The following ZNF521 variants were observed in gnomAD, a reference collection of about 807,000 sequenced individuals.
ZNF521 encodes LYST-interacting protein 3.
In ZNF521, 14 loss-of-function variants were observed where a neutral mutation model predicts 105.5. The ratio of observed to expected loss-of-function variants is 0.13; its 90% confidence interval spans 0.09 to 0.21. The LOEUF (loss-of-function observed/expected upper bound fraction) is 0.21, where lower values mean the gene tolerates loss of function less well. Ranked by LOEUF, ZNF521 falls within the 10% of genes least tolerant of loss-of-function variation. The probability of loss-of-function intolerance (pLI) is 1.00; values close to 1 mark genes in which losing one functional copy is unlikely to be tolerated. For missense variants in ZNF521, 1,233 were observed against 1,629.7 expected, an observed-to-expected ratio of 0.76 and a Z score of 4.19; for synonymous variants, 635 against 606.0, an observed-to-expected ratio of 1.05 and a Z score of -0.70.
At chr18:25,114,726 G>A (rs1471604457) in intron 5 of ZNF521, among the ~76,000 whole-genome samples, 5 of 152,150 alleles carry the variant, frequency 3.3e-5, no homozygotes, top group African/African-American at 1.2e-4. Context: ...ATCCGCATAG[G>A]AGAATGCCAT....
At chr18:25,301,951 A>T (rs1340069805) in intron 3 of ZNF521, 1 of 152,192 alleles carries the variant, frequency 6.6e-6, no homozygotes, top group Non-Finnish European at 1.5e-5. Context: ...TTGATGAAAC[A>T]ATTGTAGCAA....
intron 5 of ZNF521, among the ~76,000 whole-genome samples, chr18:25,176,059 T>A (rs1261927080): frequency 6.6e-6 from 1 of 152,182 alleles, no homozygotes; most frequent in Non-Finnish European, 1.5e-5. Context: ...TGACTTTATT[T>A]GTAAGGAGCA....
rs150507708 is a variant in ZNF521, at chr18:25,321,978, G to A, written c.220+30C>T. 39 of 1,601,544 alleles carry A rather than the reference G, an allele frequency of 2.4e-5. No individual in the cohort carries two copies. The East Asian group carries it at 8.7e-4, about 36-fold the overall frequency. On this transcript the variant is annotated intron_variant, in intron 3 of 7. Transcript: ENST00000361524. ...AAAAATCAGAAATAGAACAGTACAA[G>A]AAGACAAAAAAGTGATAAGTATTGT... is the stretch of plus-strand genomic sequence containing the variant.
intron 4 of ZNF521, among the ~76,000 whole-genome samples, chr18:25,199,152 A>C (rs903893737): frequency 6.6e-6 from 1 of 151,970 alleles, no homozygotes; most frequent in African/African-American, 2.4e-5. Flanking sequence ...AAATATTACT[A>C]TGAGAAAAAA....
At chr18:25,085,978 T>C (rs1007851395) in intron 7 of ZNF521, among the ~76,000 whole-genome samples, 5 of 152,110 alleles carry the variant, frequency 3.3e-5, no homozygotes, top group Non-Finnish European at 7.4e-5. Flanking sequence ...ATAAATTGTA[T>C]ACTTTAAAAT....
intron 3 of ZNF521, among the ~76,000 whole-genome samples, chr18:25,280,882 T>C (rs11663772): frequency 0.062 from 9,458 of 152,224 alleles, 430 homozygotes; most frequent in Non-Finnish European, 0.086. Context: ...AACCATAGAT[T>C]CGATCACCTA....
intron 5 of ZNF521, among the ~76,000 whole-genome samples, chr18:25,173,977 C>A (rs988372346): frequency 6.6e-6 from 1 of 151,932 alleles, no homozygotes; most frequent in East Asian, 1.9e-4. Context: ...GTATGTTTTC[C>A]GAAAGACTGA....
At chr18:25,303,271 CGT>C (rs756904913) in intron 3 of ZNF521, among the ~76,000 whole-genome samples, 2,437 of 132,582 alleles carry the variant, frequency 0.018, 35 homozygotes, top group Non-Finnish European at 0.025. Context: ...TTCTTTCTTT[CGT>C]GTGTGTGTGT....
intron 5 of ZNF521, among the ~76,000 whole-genome samples, chr18:25,136,449 T>C (rs2034735742): frequency 6.6e-6 from 1 of 152,232 alleles, no homozygotes; most frequent in South Asian, 2.1e-4. Flanking sequence ...TGTTAGGTGC[T>C]GCTCTGAGCT....
At chr18:25,167,333 T>G (rs939372607) in intron 5 of ZNF521, among the ~76,000 whole-genome samples, 1 of 152,236 alleles carries the variant, frequency 6.6e-6, no homozygotes, top group Admixed American at 6.5e-5. Context: ...ATGTAAGTGC[T>G]TCTACAGTAA....
At chr18:25,100,599 C>T (rs2033946727) in intron 5 of ZNF521, among the ~76,000 whole-genome samples, 1 of 151,808 alleles carries the variant, frequency 6.6e-6, no homozygotes, top group Non-Finnish European at 1.5e-5. Context: ...ATGCAAAAAT[C>T]ACAATACTGC....
At chr18:25,159,875 G>A (rs1021016381) in intron 5 of ZNF521, among the ~76,000 whole-genome samples, 1 of 152,180 alleles carries the variant, frequency 6.6e-6, no homozygotes, top group African/African-American at 2.4e-5. Context: ...ATGGTTATGC[G>A]GGTGGAGTAA....
intron 5 of ZNF521, among the ~76,000 whole-genome samples, chr18:25,110,208 G>A (rs138400326): frequency 3.1e-3 from 467 of 152,304 alleles, no homozygotes; most frequent in African/African-American, 0.011. Flanking sequence ...CAAAGCAGTG[G>A]TGGGTCTTGC....
rs142708986 is a variant in ZNF521 at position 25,342,318 on chromosome 18, A to G, written c.40+8589T>C. Among the ~76,000 whole-genome samples the G allele has an allele frequency of 3.4e-3, 515 of 152,280 alleles. 4 individuals carry two copies. Among genetic ancestry groups the G allele is most frequent in the African/African-American group, 0.012 (493 of 41,550 alleles). ...GGAACTTCAGACTCCATACATCAGCATTCAAGCAATGATTCTGTTTTGGCT... is the reference window on the plus strand; with the variant it reads ...GGAACTTCAGACTCCATACATCAGCGTTCAAGCAATGATTCTGTTTTGGCT... On this transcript the variant is annotated intron_variant, in intron 2 of 7. Coordinates refer to ENST00000361524, the MANE Select transcript of ZNF521 (RefSeq NM_015461.3).
chr18:25,163,989 G>A (rs1007942948), intron 5 of ZNF521, among the ~76,000 whole-genome samples: 2 of 152,166 alleles, frequency 1.3e-5, no homozygotes, highest in Non-Finnish European at 2.9e-5. Flanking sequence ...GAAATGTAAT[G>A]CCTGAGCAGC....
chr18:25,120,089 C>A (rs926136041), intron 5 of ZNF521, among the ~76,000 whole-genome samples: 1 of 152,046 alleles, frequency 6.6e-6, no homozygotes, highest in African/African-American at 2.4e-5. Flanking sequence ...ATCTGAACAG[C>A]CTTTTTTGTC....
At chr18:25,160,939 A>T (rs1415182443) in intron 5 of ZNF521, among the ~76,000 whole-genome samples, 1 of 152,172 alleles carries the variant, frequency 6.6e-6, no homozygotes, top group Non-Finnish European at 1.5e-5. Flanking sequence ...GAGCAGAAGT[A>T]CCAGGCCTCC....
At chr18:25,237,936 GATTTA>G (rs1167531028) in intron 3 of ZNF521, among the ~76,000 whole-genome samples, 4 of 152,154 alleles carry the variant, frequency 2.6e-5, no homozygotes, top group Admixed American at 2.6e-4. Flanking sequence ...TGAAACATAA[GATTTA>G]AGACCTGTGA....
At chr18:25,087,700 A>G (rs1599996276) in intron 7 of ZNF521, among the ~76,000 whole-genome samples, 1 of 152,304 alleles carries the variant, frequency 6.6e-6, no homozygotes. Flanking sequence ...AATTTAGATT[A>G]TTTTAATAAG....
Sources: gnomAD v4.1 joint callset for allele counts (sites outside exome capture counted in the v4.1 genomes callset) on GRCh38, gnomAD v4.1.1 for gene constraint, MANE v1.5 for transcripts, NCBI Gene and HGNC (gene_info 2026-07-23, HGNC 2026-07-21) for gene names.